SHISA9: variants seen among roughly 807,000 people sequenced by gnomAD.
SHISA9 encodes shisa family member 9.
A neutral mutation model predicts 38.0 loss-of-function variants in SHISA9; 13 were observed. The ratio of observed to expected loss-of-function variants is 0.34; its 90% confidence interval spans 0.22 to 0.54. The LOEUF is 0.54. Ranked by LOEUF, SHISA9 falls within the 20% of genes least tolerant of loss-of-function variation. The pLI is 0.91. For synonymous variants in SHISA9, 275 were observed against 242.0 expected (o/e 1.14, Z -1.27); for missense variants, 538 against 575.8 (o/e 0.93, Z 0.67).
At chr16:13,209,616 T>C (rs2051099058) in intron 3 of SHISA9, among the ~76,000 whole-genome samples, 1 of 152,238 alleles carries the variant, frequency 6.6e-6, no homozygotes, top group South Asian at 2.1e-4. Context: ...AAAAATGTAA[T>C]GTGGATTTAA....
chr16:13,416,845 AAG>A, the SHISA9 span, among the ~76,000 whole-genome samples: 1 of 151,006 alleles, frequency 6.6e-6, no homozygotes. Context: ...GAAAGAAAGA[AAG>A]AGAGGGAAGA....
At chr16:12,916,046 A>T (rs1244800696) in intron 1 of SHISA9, among the ~76,000 whole-genome samples, 1 of 114,804 alleles carries the variant, frequency 8.7e-6, no homozygotes. Flanking sequence ...GTTTACATCT[A>T]ATCATGAAGG....
chr16:13,371,242 C>T, the SHISA9 span, among the ~76,000 whole-genome samples: 1 of 152,138 alleles, frequency 6.6e-6, no homozygotes, highest in Non-Finnish European at 1.5e-5. Flanking sequence ...ACTGCCTGTT[C>T]AACAACTATT....
the SHISA9 span, among the ~76,000 whole-genome samples, chr16:13,456,486 A>T: frequency 6.6e-6 from 1 of 152,218 alleles, no homozygotes; most frequent in Admixed American, 6.5e-5. Context: ...TGGGATGCCG[A>T]TGTCCATTCT....
At chr16:12,967,982 G>A (rs2072002020) in intron 2 of SHISA9, among the ~76,000 whole-genome samples, 1 of 152,040 alleles carries the variant, frequency 6.6e-6, no homozygotes. Context: ...CTTAGGTCAG[G>A]AGTTCAAGAC....
chr16:13,136,609 G>A (rs1007606419), intron 2 of SHISA9, among the ~76,000 whole-genome samples: 5 of 151,752 alleles, frequency 3.3e-5, no homozygotes, highest in African/African-American at 1.2e-4. Context: ...TATGTTGGCT[G>A]GGCTGGTCTC....
At chr16:13,039,344 A>G (rs2073107937) in intron 2 of SHISA9, among the ~76,000 whole-genome samples, 1 of 152,192 alleles carries the variant, frequency 6.6e-6, no homozygotes, top group African/African-American at 2.4e-5. Context: ...CACATGAGGA[A>G]TTTGAGGCTG....
intron 2 of SHISA9, among the ~76,000 whole-genome samples, chr16:13,118,713 T>G (rs1419450006): frequency 2.1e-5 from 3 of 145,162 alleles, no homozygotes; most frequent in Non-Finnish European, 4.5e-5. Context: ...CCCATTTCTT[T>G]CTTTCTTTTC....
At chr16:12,908,495 C>T in intron 1 of SHISA9, 3 of 1,552,280 alleles carry the variant, frequency 1.9e-6, no homozygotes, top group South Asian at 1.2e-5. Flanking sequence ...TGACAATCTG[C>T]TGTTTATGGA....
At chr16:13,156,083 T>G (rs2050544319) in intron 2 of SHISA9, among the ~76,000 whole-genome samples, 1 of 152,222 alleles carries the variant, frequency 6.6e-6, no homozygotes, top group Non-Finnish European at 1.5e-5. Flanking sequence ...AGGGACTTCA[T>G]GATCTGTCTT....
At chr16:13,469,437 G>A in the SHISA9 span, among the ~76,000 whole-genome samples, 10,430 of 125,056 alleles carry the variant, frequency 0.083, 720 homozygotes, top group Non-Finnish European at 0.1. Flanking sequence ...GAAAGAAAGA[G>A]AAAGAAAGAG....
chr16:13,284,311 G>A, the SHISA9 span, among the ~76,000 whole-genome samples: 3 of 151,984 alleles, frequency 2.0e-5, no homozygotes, highest in Non-Finnish European at 2.9e-5. Context: ...TCCATATTTT[G>A]TCTACTTTTA....
At chr16:13,139,142 T>G (rs2050375475) in intron 2 of SHISA9, among the ~76,000 whole-genome samples, 1 of 152,198 alleles carries the variant, frequency 6.6e-6, no homozygotes, top group Non-Finnish European at 1.5e-5. Context: ...TTGGGTTTTA[T>G]TTGTAATTTG....
At chr16:12,927,723 T>C (rs529230686) in intron 2 of SHISA9, among the ~76,000 whole-genome samples, 3 of 152,218 alleles carry the variant, frequency 2.0e-5, no homozygotes, top group Non-Finnish European at 4.4e-5. Flanking sequence ...TTTACTTATG[T>C]AGATCCAAAT....
At chr16:13,356,658 A>G in the SHISA9 span, among the ~76,000 whole-genome samples, 2 of 152,052 alleles carry the variant, frequency 1.3e-5, no homozygotes, top group African/African-American at 4.8e-5. Context: ...GGGTCTGTAG[A>G]AAAGGAAGAT....
rs1567190807 is a variant in SHISA9, at chr16:13,037,103, C to CAGACAG, written c.691+120289_691+120290insGACAGA. Among the ~76,000 whole-genome samples, 89 of 58,284 alleles carry CAGACAG rather than the reference C, an allele frequency of 1.5e-3. 4 individuals carry two copies. Among genetic ancestry groups the CAGACAG allele is most frequent in the Middle Eastern group, 0.018 (2 of 112 alleles). The allele number at this position is 58,284 out of a possible 152,430, so 38.2% of individuals were successfully genotyped here. A position where few individuals can be genotyped will look rare whatever the true frequency, so the allele number is the denominator to read the frequency against. On this transcript the variant is annotated intron_variant, in intron 2 of 4. Transcript: ENST00000558583. ...ACACACCACACCACACACACACACA[C>CAGACAG]ACACAGACACACACACACACACACA...
chr16:13,458,415 G>T, the SHISA9 span: 2 of 395,106 alleles, frequency 5.1e-6, no homozygotes, highest in African/African-American at 4.3e-5. Flanking sequence ...TGGGAGCAGG[G>T]TCAAGCATTA....
At chr16:13,020,569 TA>T (rs1376787968) in intron 2 of SHISA9, among the ~76,000 whole-genome samples, 2 of 152,164 alleles carry the variant, frequency 1.3e-5, no homozygotes, top group Non-Finnish European at 1.5e-5. Flanking sequence ...ATGACTTCCT[TA>T]AAGGTCCCAA....
chr16:13,416,662 T>C, the SHISA9 span, among the ~76,000 whole-genome samples: 2 of 150,862 alleles, frequency 1.3e-5, no homozygotes, highest in African/African-American at 4.9e-5. Context: ...CACTGAGCGA[T>C]GGTAACACCA....
Sources: gnomAD v4.1 joint callset for allele counts (sites outside exome capture counted in the v4.1 genomes callset) on GRCh38, gnomAD v4.1.1 for gene constraint, MANE v1.5 for transcripts, NCBI Gene and HGNC (gene_info 2026-07-23, HGNC 2026-07-21) for gene names.